CROCC: variants seen among roughly 807,000 people sequenced by gnomAD.
The protein encoded by CROCC is rootletin.
Under a neutral mutation model 245.2 loss-of-function variants are expected in CROCC, and 180 were observed. That is an observed-to-expected ratio of 0.73 (90% CI 0.65 to 0.83). The LOEUF is 0.83. CROCC is among the 40% of genes least tolerant of loss of function. CROCC has a pLI of 0.00. For synonymous variants in CROCC, 1,205 were observed against 1,241.6 expected (o/e 0.97, Z 0.62); for missense variants, 2,688 against 2,779.4 (o/e 0.97, Z 0.74).
In CROCC at chr1:16,962,458, C is replaced by G. The variant is rs533159495; in HGVS notation, c.4405+1328C>G. Reference sequence around the variant, plus strand: ...GCTGAGGCAGGAGAATGGCGTGAACCCGGAAGATGGAGCTTGCAGTGAGCT... The same window carrying G: ...GCTGAGGCAGGAGAATGGCGTGAACGCGGAAGATGGAGCTTGCAGTGAGCT... On this transcript the variant is annotated intron_variant, in intron 27 of 36. Transcript: ENST00000375541. Among the ~76,000 whole-genome samples, 48 of 149,366 alleles carry G rather than the reference C, an allele frequency of 3.2e-4. 1 individual carries two copies. The South Asian group carries it at 0.01, about 32-fold the overall frequency.
In CROCC at chr1:16,948,406, CT is replaced by C. The variant is rs772989804; in HGVS notation, c.2591del (p.Leu864ArgfsTer11). ...RREAQRQVEA[L>X]ERAAREKEAL... Reference sequence around the variant, plus strand: ...GGAGGCCCAGCGGCAAGTGGAGGCGCTGGAGCGAGCGGCCCGTGAGAAGGAG... The same window carrying C: ...GGAGGCCCAGCGGCAAGTGGAGGCGCGGAGCGAGCGGCCCGTGAGAAGGAG... On this transcript the variant is annotated frameshift_variant, in exon 18 of 37. Transcript: ENST00000375541. LOFTEE classifies it high-confidence loss of function. The C allele has an allele frequency of 2.0e-5, 31 of 1,575,308 alleles. No individual in the cohort carries two copies. The African/African-American group carries it at 3.6e-4, about 18-fold the overall frequency.
chr1:16,931,196 C>T (rs1393342852), intron 7 of CROCC, 95 bp from the exon 8 acceptor site: 14 of 1,103,896 alleles, frequency 1.3e-5, no homozygotes, highest in East Asian at 9.9e-5. Flanking sequence ...CCCTGAACGA[C>T]GGTGCCTCCC....
chr1:16,942,078 T>A lies in CROCC; in HGVS notation c.1808+1985T>A, dbSNP rs1454235590. ...CAGTCTGGAGTGCAGTGGTGCGATC[T>A]CATTTCACTGCAACCTCCACCTCCT... On this transcript the variant is annotated intron_variant, in intron 13 of 36. Transcript: ENST00000375541. 3.9e-5 allele frequency among the ~76,000 whole-genome samples: 6 copies of A among 152,386 alleles called. No individual in the cohort carries two copies. In the South Asian group the frequency reaches 1.0e-3, roughly 26 times the overall value.
rs373033043 is a variant in CROCC at position 16,968,366 on chromosome 1, G to T, written c.5024G>T (p.Arg1675Leu). ...LQRSRLGLSD[R>L]EAQAQALQDR... ...CGCAGCCGCCTGGGCCTCAGTGACC[G>T]CGAGGCCCAAGCCCAGGCCCTCCAG... is the stretch of plus-strand genomic sequence containing the variant. The change falls in exon 31 of 37, where the codon CGC becomes CTC. Residue 1675 changes from arginine to leucine, a missense_variant. Transcript: ENST00000375541. 6.3e-5 allele frequency: 96 copies of T among 1,533,886 alleles called. No homozygotes were observed. Among genetic ancestry groups the T allele is most frequent in the East Asian group, 1.2e-4 (5 of 40,712 alleles).
chr1:16,930,056 T>G, intron 4 of CROCC, 25 bp downstream of exon 4: 1 of 1,566,478 alleles, frequency 6.4e-7, no homozygotes, highest in Non-Finnish European at 8.6e-7. Context: ...CTCCTGCTCC[T>G]GTCCTCCCAC....
chr1:16,938,470 G>A lies in CROCC; in HGVS notation c.1361G>A (p.Arg454Lys), dbSNP rs2075841894. 1 of 1,577,292 alleles carries A rather than the reference G, an allele frequency of 6.3e-7. No individual in the cohort carries two copies. The highest frequency in any genetic ancestry group is 8.6e-7 in the Non-Finnish European group (1 of 1,162,230). ...GGAGAGGGGCTACAGCAGACCCTAA[G>A]GGACCTGGCACAGGTGTGAGCCCAG... ...EDGEGLQQTL[R>K]DLAQAVLSDS... The change falls in exon 11 of 37, where the codon AGG becomes AAG. Residue 454 changes from arginine (R) to lysine (K), a missense_variant. By Grantham distance (26) the Arg-to-Lys change is conservative. Transcript: ENST00000375541.
chr1:16,967,019 C>T (rs1290191710), intron 30 of CROCC, among the ~76,000 whole-genome samples: 2 of 151,576 alleles, frequency 1.3e-5, no homozygotes, highest in Non-Finnish European at 2.9e-5. Flanking sequence ...CATGCCACTG[C>T]ACTCTAGCAA....
chr1:16,938,163 T>C (rs1441147929), intron 10 of CROCC, among the ~76,000 whole-genome samples: 2 of 152,132 alleles, frequency 1.3e-5, no homozygotes, highest in Admixed American at 6.5e-5. Context: ...CTGGCCTGGG[T>C]TCTAGGTCCG....
Position 16,945,549 on chromosome 1 carries a change from A to T in CROCC, c.2079A>T (p.Thr693=), listed in dbSNP as rs2761550. ...VEVREALSRA[T]LQRDMLQAEK... is the part of the protein sequence containing the mutation. ...TGAGGGAGGCGCTGAGCCGCGCCAC[A>T]CTGCAACGGGACATGCTGCAGGCCG... The change falls in exon 15 of 37, where the codon ACA becomes ACT. Residue 693 remains threonine, a synonymous_variant. Coordinates refer to ENST00000375541, the MANE Select transcript of CROCC (RefSeq NM_014675.5). 3.7e-6 allele frequency: 6 copies of T among 1,611,686 alleles called. No individual in the cohort carries two copies. Among genetic ancestry groups the T allele is most frequent in the Admixed American group, 1.7e-5 (1 of 59,856 alleles).
At chr1:16,937,475 A>G (rs1483140558) in intron 9 of CROCC, among the ~76,000 whole-genome samples, 166 bp from the exon 10 acceptor site, 3 of 152,280 alleles carry the variant, frequency 2.0e-5, no homozygotes, top group Admixed American at 6.5e-5. Flanking sequence ...CAGATGAGAA[A>G]TGTGAGATCT....
At chr1:16,924,990 G>T (rs761520892) in intron 3 of CROCC, among the ~76,000 whole-genome samples, 15 of 152,288 alleles carry the variant, frequency 9.8e-5, no homozygotes, top group Non-Finnish European at 1.8e-4. Flanking sequence ...GGAAGGAGAA[G>T]CAGGCCTGTC....
intron 19 of CROCC, 28 bp from the exon 20 acceptor site, chr1:16,950,925 T>C (rs1211539788): frequency 3.7e-5 from 55 of 1,493,694 alleles, no homozygotes; most frequent in Non-Finnish European, 4.6e-5. Context: ...AACCCAACCC[T>C]GCCCTTTCCC....
intron 8 of CROCC, among the ~76,000 whole-genome samples, chr1:16,933,232 G>C (rs868447570): frequency 1.3e-5 from 2 of 152,270 alleles, no homozygotes; most frequent in Non-Finnish European, 2.9e-5. Context: ...TCAGGAGGCC[G>C]AGGCGGGCGG....
At position 16,972,549 on chromosome 1, in the gene CROCC, G is replaced by T; in HGVS notation, c.*103G>T. The stretch of plus-strand genomic sequence containing the variant: ...GAGCCCGGTCCCTTGGGGGCCTCAA[G>T]CTGGGGTGGGATGAGGAGGCGCTCT... On this transcript the variant is annotated 3_prime_UTR_variant, in exon 37 of 37. Transcript: ENST00000375541. 2.6e-6 allele frequency: 2 copies of T among 758,152 alleles called. 1 individual carries two copies. Among genetic ancestry groups the T allele is most frequent in the East Asian group, 6.0e-5 (2 of 33,268 alleles). The allele number at this position is 758,152 out of a possible 1,614,324, so 47.0% of individuals were successfully genotyped here. A position where few individuals can be genotyped will look rare whatever the true frequency, so the allele number is the denominator to read the frequency against.
upstream of CROCC, among the ~76,000 whole-genome samples, chr1:16,920,138 G>T (rs1308579292): frequency 6.6e-6 from 1 of 152,244 alleles, no homozygotes; most frequent in Non-Finnish European, 1.5e-5. Context: ...GAGTGCAGTG[G>T]CATGATCTCG....
intron 8 of CROCC, among the ~76,000 whole-genome samples, chr1:16,934,185 A>T (rs920330725): frequency 6.6e-6 from 1 of 152,018 alleles, no homozygotes; most frequent in Non-Finnish European, 1.5e-5. Flanking sequence ...TCATTTAGTC[A>T]CTCCTGTGTA....
Position 16,921,951 on chromosome 1 carries a change from C to T in CROCC, c.-68C>T, listed in dbSNP as rs2075415404. 29 of 1,434,756 alleles carry T rather than the reference C, an allele frequency of 2.0e-5. No individual in the cohort carries two copies. Among genetic ancestry groups the T allele is most frequent in the South Asian group, 6.2e-5 (5 of 81,020 alleles). 88.9% of individuals were successfully genotyped at this position (1,434,756 alleles called of 1,614,324 possible). On this transcript the variant is annotated 5_prime_UTR_variant, in exon 1 of 37. Coordinates refer to ENST00000375541, the MANE Select transcript of CROCC (RefSeq NM_014675.5). ...TCAGCACAGCATCCTGGCTGTGGCG[C>T]GTGCTGACTGAGCTAGTCTTGGGGT...
intron 8 of CROCC, among the ~76,000 whole-genome samples, chr1:16,934,887 A>G (rs1570616320): frequency 7.4e-6 from 1 of 134,562 alleles, no homozygotes; most frequent in African/African-American, 2.7e-5. Flanking sequence ...CATTATCAGC[A>G]GTTTCTTTTT....
chr1:16,924,429 C>G lies in CROCC; in HGVS notation c.301C>G (p.Arg101Gly). Residue 101 changes from arginine (R) to glycine (G), a missense_variant, in exon 3 of 37, where the codon CGT (arginine) becomes GGT (glycine). Coordinates refer to ENST00000375541, the MANE Select transcript of CROCC (RefSeq NM_014675.5). ...SRVEDLLAQS[R>G]AERDELAIKY... ...CGTGGAGGACCTGCTGGCCCAGAGC[C>G]GTGCCGAGCGCGATGAGCTCGCCAT... is the stretch of plus-strand genomic sequence containing the variant. The G allele has an allele frequency of 3.1e-6, 5 of 1,613,318 alleles. No individual in the cohort carries two copies. The highest frequency in any genetic ancestry group is 4.2e-6 in the Non-Finnish European group (5 of 1,179,880).
Sources: allele counts gnomAD v4.1 joint callset (sites outside exome capture counted in the v4.1 genomes callset), GRCh38; gene constraint gnomAD v4.1.1; transcripts MANE v1.5; gene names NCBI Gene and HGNC (gene_info 2026-07-23, HGNC 2026-07-21).